The following DLGAP2 variants were observed in gnomAD, a reference collection of about 807,000 sequenced individuals.
DLGAP2 encodes DLG associated protein 2.
In DLGAP2, 26 loss-of-function variants were observed where a neutral mutation model predicts 100.3. That is an observed-to-expected ratio of 0.26 (90% CI 0.19 to 0.36). The LOEUF is 0.36. DLGAP2 is among the 10% of genes least tolerant of loss of function. DLGAP2 has a pLI of 1.00. For synonymous variants in DLGAP2, 886 were observed against 630.1 expected (o/e 1.41, Z -6.08); for missense variants, 1,858 against 1,453.2 (o/e 1.28, Z -4.53).
chr8:963,832 A>C (rs542774563), intron 2 of DLGAP2, among the ~76,000 whole-genome samples: 6 of 152,348 alleles, frequency 3.9e-5, no homozygotes, highest in Non-Finnish European at 8.8e-5. Flanking sequence ...AGTTAACATG[A>C]AAAATTTGAC....
chr8:1,131,462 C>T (rs944385215), intron 2 of DLGAP2, among the ~76,000 whole-genome samples: 2 of 152,162 alleles, frequency 1.3e-5, no homozygotes, highest in African/African-American at 2.4e-5. Context: ...GGGCTCTTCA[C>T]GTCTTATAAG....
chr8:1,513,046 A>T (rs1174799081), intron 4 of DLGAP2, among the ~76,000 whole-genome samples: 2 of 152,122 alleles, frequency 1.3e-5, no homozygotes, highest in Non-Finnish European at 2.9e-5. Context: ...GCCACAGGCC[A>T]GCTCCAGGGA....
chr8:1,307,048 G>C (rs1800507536), intron 3 of DLGAP2, among the ~76,000 whole-genome samples: 1 of 152,048 alleles, frequency 6.6e-6, no homozygotes, highest in South Asian at 2.1e-4. Flanking sequence ...GACTTCATCA[G>C]AATTAAAGCT....
rs560413949 is a variant in DLGAP2, at chr8:1,623,596, C to G, written c.1443-3144C>G. ...ATGACCTGACACCAGTGTGTGATGA[C>G]CTGGCACCAGTGTGCGATGACGTGG... On this transcript the variant is annotated intron_variant, in intron 6 of 14. Transcript: ENST00000637795. 2.8e-4 allele frequency among the ~76,000 whole-genome samples: 43 copies of G among 151,580 alleles called. 1 individual carries two copies. The highest frequency in any genetic ancestry group is 9.5e-4 in the African/African-American group (39 of 41,244).
At chr8:1,595,062 G>C (rs1327633350) in intron 6 of DLGAP2, among the ~76,000 whole-genome samples, 1 of 151,166 alleles carries the variant, frequency 6.6e-6, no homozygotes, top group Non-Finnish European at 1.5e-5. Context: ...TCTTTTTTGA[G>C]ACAAGATCTT....
intron 3 of DLGAP2, among the ~76,000 whole-genome samples, chr8:1,361,965 A>G (rs113796085): frequency 0.025 from 3,757 of 152,298 alleles, 143 homozygotes; most frequent in African/African-American, 0.086. Flanking sequence ...TCCTGGCTGC[A>G]GGACACCTCT....
chr8:1,290,201 G>T (rs968969318), intron 3 of DLGAP2, among the ~76,000 whole-genome samples: 2 of 152,142 alleles, frequency 1.3e-5, no homozygotes, highest in African/African-American at 2.4e-5. Flanking sequence ...AGCTAGACTC[G>T]AACAAAATGA....
intron 2 of DLGAP2, among the ~76,000 whole-genome samples, chr8:1,101,603 A>G (rs867416579): frequency 2.0e-5 from 3 of 151,706 alleles, no homozygotes; most frequent in South Asian, 2.1e-4. Flanking sequence ...GTGACACGAC[A>G]ATGGGAAGGT....
At position 1,497,104 on chromosome 8, in the gene DLGAP2, G is replaced by C. The variant is rs117012469; in HGVS notation, c.107-4262G>C. On this transcript the variant is annotated intron_variant, in intron 3 of 14. Coordinates refer to ENST00000637795, the MANE Select transcript of DLGAP2 (RefSeq NM_001346810.2). ...TCTGCCAGAGGGACCCTAAGCAAGG[G>C]GTCTGAGTGAGGAAGCCCCACCCGG... Among the ~76,000 whole-genome samples the C allele has an allele frequency of 6.4e-3, 979 of 152,314 alleles. 5 individuals carry two copies. The highest frequency in any genetic ancestry group is 0.011 in the Non-Finnish European group (748 of 68,030).
intron 2 of DLGAP2, among the ~76,000 whole-genome samples, chr8:1,161,951 G>T (rs1232869852): frequency 6.6e-6 from 1 of 152,252 alleles, no homozygotes; most frequent in Admixed American, 6.5e-5. Context: ...CCAAGTCAGG[G>T]GTGCGTCAGA....
At chr8:1,693,581 C>G (rs1202314089) in intron 13 of DLGAP2, among the ~76,000 whole-genome samples, 2 of 152,080 alleles carry the variant, frequency 1.3e-5, no homozygotes, top group Non-Finnish European at 2.9e-5. Context: ...TGATGTTTTC[C>G]TTGGCTTTTT....
rs149627694 is a variant in DLGAP2, at chr8:1,032,409, T to A, written c.73+124443T>A. Among the ~76,000 whole-genome samples the A allele has an allele frequency of 3.1e-3, 476 of 152,332 alleles. 3 individuals are homozygous for A. The highest frequency in any genetic ancestry group is 0.011 in the African/African-American group (443 of 41,576). On this transcript the variant is annotated intron_variant, in intron 2 of 14. Transcript: ENST00000637795. ...TCTCCACAGGTGGAAGCATCCATCT[T>A]GAGCCAGCGCACGATGGAGAAACGT... is the stretch of plus-strand genomic sequence containing the variant.
At chr8:1,127,934 C>T (rs1474758472) in intron 2 of DLGAP2, among the ~76,000 whole-genome samples, 2 of 152,188 alleles carry the variant, frequency 1.3e-5, no homozygotes, top group Non-Finnish European at 2.9e-5. Flanking sequence ...ATGATTAAGC[C>T]ACGCAAAATG....
chr8:916,313 G>T (rs909222430), intron 2 of DLGAP2, among the ~76,000 whole-genome samples: 1 of 152,226 alleles, frequency 6.6e-6, no homozygotes, highest in Non-Finnish European at 1.5e-5. Context: ...TTAAGAAAAT[G>T]TGGCACATAT....
chr8:1,229,083 A>T (rs1225403891), intron 2 of DLGAP2, among the ~76,000 whole-genome samples: 1 of 152,216 alleles, frequency 6.6e-6, no homozygotes, highest in African/African-American at 2.4e-5. Flanking sequence ...AGATTGTAGG[A>T]TACAAAATCA....
chr8:1,241,708 A>G (rs1041655606), intron 2 of DLGAP2, among the ~76,000 whole-genome samples: 10 of 151,752 alleles, frequency 6.6e-5, no homozygotes, highest in African/African-American at 2.4e-4. Flanking sequence ...GCAAGTGTGT[A>G]ATTTAGATTT....
intron 3 of DLGAP2, among the ~76,000 whole-genome samples, chr8:1,312,807 C>T (rs551267174): frequency 7.9e-5 from 12 of 152,296 alleles, no homozygotes; most frequent in Admixed American, 3.9e-4. Context: ...CTGCTTCTTG[C>T]AGCAGGGTTT....
At chr8:1,599,481 T>G (rs1269215374) in intron 6 of DLGAP2, among the ~76,000 whole-genome samples, 3 of 152,296 alleles carry the variant, frequency 2.0e-5, no homozygotes, top group Middle Eastern at 6.8e-3. Flanking sequence ...CCATTATTAT[T>G]GTATGGGAGT....
intron 2 of DLGAP2, among the ~76,000 whole-genome samples, chr8:1,103,838 G>C (rs1224700103): frequency 1.3e-5 from 2 of 152,206 alleles, no homozygotes; most frequent in Non-Finnish European, 2.9e-5. Context: ...GTATTCAGGA[G>C]TGTGCAAGTG....
Sources: gnomAD v4.1 joint callset for allele counts (sites outside exome capture counted in the v4.1 genomes callset) on GRCh38, gnomAD v4.1.1 for gene constraint, MANE v1.5 for transcripts, NCBI Gene and HGNC (gene_info 2026-07-23, HGNC 2026-07-21) for gene names.